The following SMARCC2 variants were observed in gnomAD, a reference collection of about 807,000 sequenced individuals.
The protein encoded by SMARCC2 is SWI/SNF related BAF chromatin remodeling complex subunit C2, also known as SWI/SNF complex subunit SMARCC2.
In SMARCC2, 15 loss-of-function variants were observed where a neutral mutation model predicts 151.3. The ratio of observed to expected loss-of-function variants is 0.10; its 90% CI spans 0.07 to 0.15. SMARCC2 has a LOEUF of 0.15. Ranked by LOEUF, SMARCC2 falls within the 10% of genes least tolerant of loss-of-function variation. SMARCC2 has a pLI of 1.00. For missense variants in SMARCC2, 1,031 were observed against 1,599.7 expected (o/e 0.64, Z 6.06); for synonymous variants, 590 against 609.5 (o/e 0.97, Z 0.47).
intron 15 of SMARCC2, among the ~76,000 whole-genome samples, chr12:56,175,060 G>A (rs923555825): frequency 1.3e-4 from 20 of 152,088 alleles, no homozygotes; most frequent in African/African-American, 4.6e-4. Context: ...TGCCCAGGCT[G>A]GAATGCAATG....
intron 28 of SMARCC2, 81 bp downstream of exon 28, chr12:56,164,221 AC>A (rs1308363296): frequency 1.2e-5 from 15 of 1,260,270 alleles, no homozygotes; most frequent in Middle Eastern, 2.6e-4. Flanking sequence ...CTAATACCTG[AC>A]CTCTTCCCCA....
intron 15 of SMARCC2, among the ~76,000 whole-genome samples, chr12:56,176,491 T>C (rs1302633482): frequency 6.6e-6 from 1 of 152,214 alleles, no homozygotes; most frequent in Admixed American, 6.5e-5. Context: ...CTTTTTTTTT[T>C]TCTTGAGACG....
chr12:56,167,949 G>GAA (rs1491284258), intron 26 of SMARCC2, 111 bp downstream of exon 26: 1 of 959,186 alleles, frequency 1.0e-6, no homozygotes, highest in Non-Finnish European at 1.4e-6. Flanking sequence ...CTCTTTCACT[G>GAA]AAACACACAC....
chr12:56,177,388 G>T (rs1372098941), intron 15 of SMARCC2, among the ~76,000 whole-genome samples: 3 of 152,146 alleles, frequency 2.0e-5, no homozygotes, highest in Non-Finnish European at 4.4e-5. Flanking sequence ...GGGACCACAG[G>T]TATGCCCCAC....
In SMARCC2 at chr12:56,171,254, A is replaced by C; in HGVS notation, c.2347+17T>G. ...TCTTGTGAAAGGCAAGAAATCTGGG[A>C]ACCTGCCTGGCCTTACCAATCCGCT... On this transcript the variant is annotated intron_variant, in intron 22 of 28. Coordinates refer to ENST00000550164, the MANE Select transcript of SMARCC2 (RefSeq NM_001330288.2). This position sits in a 1 kb window ranked among gnomAD's most constrained non-coding sequence, Gnocchi z 4.2. The C allele has an allele frequency of 4.3e-6, 7 of 1,612,284 alleles. No homozygotes were observed. The highest frequency in any genetic ancestry group is 5.9e-6 in the Non-Finnish European group (7 of 1,178,508).
Position 56,165,668 on chromosome 12 carries a change from T to C in SMARCC2, c.2882A>G (p.Asp961Gly). 6.2e-7 allele frequency: 1 copy of C among 1,612,236 alleles called. No individual in the cohort carries two copies. The highest frequency in any genetic ancestry group is 8.5e-7 in the Non-Finnish European group (1 of 1,180,030). Residue 961 changes from aspartate (D) to glycine (G), a missense_variant, in exon 27 of 29, where the codon GAC (aspartate) becomes GGC (glycine). Asp to Gly is a moderately conservative substitution (Grantham distance 94). Coordinates refer to ENST00000550164, the MANE Select transcript of SMARCC2 (RefSeq NM_001330288.2). ...LEYQRQQLLA[D>G]RQAFHMEQLK... ...CTGCTCCATGTGGAAGGCTTGTCTG[T>C]CGGCCAGGAGCTGCTGCCTCTGATA...
intron 3 of SMARCC2, 85 bp downstream of exon 3, chr12:56,186,070 T>C: frequency 1.0e-6 from 1 of 993,404 alleles, no homozygotes; most frequent in Non-Finnish European, 1.6e-6. Context: ...CTCACAAGAA[T>C]TTCTACCCCA....
At chr12:56,185,443 A>AC (rs1454869968) in intron 3 of SMARCC2, 2 of 275,302 alleles carry the variant, frequency 7.3e-6, no homozygotes, top group East Asian at 1.9e-4. Flanking sequence ...TCGGCCTCCC[A>AC]AAGTGCTGGG....
At chr12:56,184,280 C>A in intron 5 of SMARCC2, 36 bp from the exon 6 acceptor site, 1 of 1,505,884 alleles carries the variant, frequency 6.6e-7, no homozygotes, top group South Asian at 1.2e-5. Context: ...AAATTATGGT[C>A]CCCTCTGAAT....
chr12:56,173,523 G>C (rs1009747431), intron 17 of SMARCC2, among the ~76,000 whole-genome samples, 173 bp downstream of exon 17: 2 of 152,234 alleles, frequency 1.3e-5, no homozygotes, highest in African/African-American at 4.8e-5. Flanking sequence ...AGGTACAAAG[G>C]CTGAGAGAGG....
chr12:56,173,574 C>G, intron 17 of SMARCC2, 122 bp downstream of exon 17: 1 of 869,324 alleles, frequency 1.2e-6, no homozygotes, highest in Non-Finnish European at 1.8e-6. Context: ...CCCTTTGCAT[C>G]CCATGGAAAA....
In SMARCC2 at chr12:56,189,431, T is replaced by C; in HGVS notation, c.31A>G (p.Asn11Asp). ...TCCGCGGCCTCGTAGTACTTCACGT[T>C]GGGGCCGCCGTCCTTCTTCCGCACC... MAVRKKDGGP[N>D]VKYYEAADTV... is the part of the protein sequence containing the mutation. Residue 11 changes from asparagine (N) to aspartate (D), a missense_variant, in exon 1 of 29, where the codon AAC (asparagine) becomes GAC (aspartate). Physicochemically the swap from Asn to Asp is conservative, Grantham distance 23 (BLOSUM62 1). Coordinates refer to ENST00000550164, the MANE Select transcript of SMARCC2 (RefSeq NM_001330288.2). The C allele has an allele frequency of 6.6e-7, 1 of 1,511,776 alleles. No homozygotes were observed. The highest frequency in any genetic ancestry group is 8.9e-7 in the Non-Finnish European group (1 of 1,122,742). 93.6% of individuals were successfully genotyped at this position (1,511,776 alleles called of 1,614,324 possible).
At position 56,169,560 on chromosome 12, in the gene SMARCC2, G is replaced by A; in HGVS notation, c.2684C>T (p.Ala895Val). 6.2e-7 allele frequency: 1 copy of A among 1,614,204 alleles called. No homozygotes were observed. Among genetic ancestry groups the A allele is most frequent in the Non-Finnish European group, 8.5e-7 (1 of 1,180,028 alleles). The part of the protein sequence containing the change: ...GEGNLSTAAA[A>V]ALAAAAVKAK... ...TTTCACTGCGGCGGCGGCCAGGGCG[G>A]CGGCAGCAGCGGTGGAGAGGTTGCC... is the stretch of plus-strand genomic sequence containing the variant. The change falls in exon 25 of 29, where the codon GCC becomes GTC. Residue 895 changes from alanine to valine, a missense_variant. Around this residue, in one of 12 missense-constraint regions of SMARCC2, gnomAD observed 49 missense variants for 134.8 expected, o/e 0.36. Transcript: ENST00000550164.
chr12:56,162,457 A>G lies in SMARCC2; in HGVS notation c.*1232T>C, dbSNP rs1380031686. 1.7e-6 allele frequency: 1 copy of G among 595,736 alleles called. No homozygotes were observed. Among genetic ancestry groups the G allele is most frequent in the Non-Finnish European group, 2.9e-6 (1 of 340,690 alleles). 36.9% of individuals were successfully genotyped at this position (595,736 alleles called of 1,614,324 possible). ...CTTTGAACAGAAGAAAGGTGCTAAG[A>G]CGCAGAGGGAGAGAAACATGGGGAC... On this transcript the variant is annotated 3_prime_UTR_variant, in exon 29 of 29. Coordinates refer to ENST00000550164, the MANE Select transcript of SMARCC2 (RefSeq NM_001330288.2).
In SMARCC2 at chr12:56,162,413, A is replaced by C; in HGVS notation, c.*1276T>G. The C allele has an allele frequency of 1.6e-6, 1 of 644,756 alleles. No individual in the cohort carries two copies. The highest frequency in any genetic ancestry group is 2.8e-5 in the Admixed American group (1 of 35,632). 39.9% of individuals were successfully genotyped at this position (644,756 alleles called of 1,614,324 possible). On this transcript the variant is annotated 3_prime_UTR_variant, in exon 29 of 29. Coordinates refer to ENST00000550164, the MANE Select transcript of SMARCC2 (RefSeq NM_001330288.2). ...AAAAAAAAAAGAAAGAAAGAAAAAA[A>C]GAGAAAATTTACAGAAAACTTTGAA... is the stretch of plus-strand genomic sequence containing the variant.
intron 11 of SMARCC2, 128 bp from the exon 12 acceptor site, chr12:56,179,184 C>G: frequency 1.4e-6 from 1 of 738,600 alleles, no homozygotes; most frequent in Non-Finnish European, 2.3e-6. Context: ...GTAATTCTCT[C>G]CAGTCACAAT....
rs1447442385 is a variant in SMARCC2 at position 56,187,208 on chromosome 12, A to G, written c.210T>C (p.Asn70=). Residue 70 remains asparagine (N), a synonymous_variant, in exon 2 of 29, where the codon AAT becomes AAC. Transcript: ENST00000550164. ...TCACCGGCAGTTTAGTGAGCGGTGC[A>G]TTGCTGACATGTTTGCCAAAAACTT... ...QEEVFGKHVS[N]APLTKLPIKC... is the part of the protein sequence containing the mutation. 2.5e-6 allele frequency: 4 copies of G among 1,613,792 alleles called. No individual in the cohort carries two copies. The highest frequency in any genetic ancestry group is 1.1e-5 in the South Asian group (1 of 91,078).
intron 15 of SMARCC2, among the ~76,000 whole-genome samples, chr12:56,177,688 T>G (rs1321095323): frequency 6.6e-6 from 1 of 152,198 alleles, no homozygotes; most frequent in Non-Finnish European, 1.5e-5. Flanking sequence ...TAATCAAAAC[T>G]TTTGTGCTAG....
intron 20 of SMARCC2, 57 bp downstream of exon 20, chr12:56,172,371 T>C: frequency 6.8e-7 from 1 of 1,470,744 alleles, no homozygotes; most frequent in Non-Finnish European, 9.2e-7. Context: ...CGTGAGCCTC[T>C]ACACGGAGCC....
Sources: gnomAD v4.1 joint callset for allele counts (sites outside exome capture counted in the v4.1 genomes callset) on GRCh38, gnomAD v4.1.1 for gene constraint, gnomAD v4.1.1 regional missense constraint, Gnocchi (gnomAD v3.1) non-coding constraint, MANE v1.5 for transcripts, NCBI Gene and HGNC (gene_info 2026-07-23, HGNC 2026-07-21) for gene names.